The following DDC variants were observed in gnomAD, a reference collection of about 807,000 sequenced individuals.
DDC encodes aromatic-L-amino-acid decarboxylase.
In DDC, 43 loss-of-function variants were observed where a neutral mutation model predicts 60.0. The ratio of observed to expected loss-of-function variants is 0.72; its 90% CI spans 0.56 to 0.92. The LOEUF is 0.92. Ranked by LOEUF, DDC falls within the 40% of genes least tolerant of loss-of-function variation. The pLI, the probability that DDC is intolerant of heterozygous loss-of-function variation, is 0.00. For missense variants in DDC, 573 were observed against 620.2 expected (o/e 0.92, Z 0.81); for synonymous variants, 232 against 234.6 (o/e 0.99, Z 0.10).
intron 6 of DDC, among the ~76,000 whole-genome samples, chr7:50,525,103 A>C (rs185277201): frequency 6.6e-6 from 1 of 152,350 alleles, no homozygotes; most frequent in Non-Finnish European, 1.5e-5. Flanking sequence ...ATATTGTATA[A>C]TTCCATTTAT....
chr7:50,564,696 G>A (rs550931447), intron 1 of DDC, among the ~76,000 whole-genome samples: 11 of 152,300 alleles, frequency 7.2e-5, no homozygotes, highest in African/African-American at 2.6e-4. Flanking sequence ...GATGGGAATT[G>A]TACTCAGCAT....
chr7:50,508,522 A>C (rs186885330), intron 6 of DDC, among the ~76,000 whole-genome samples: 248 of 152,344 alleles, frequency 1.6e-3, no homozygotes, highest in Non-Finnish European at 2.4e-3. Flanking sequence ...CTGGCTCATT[A>C]GGGAAGCAAG....
At chr7:50,461,930 G>T (rs1224785985) in intron 14 of DDC, among the ~76,000 whole-genome samples, 1 of 152,174 alleles carries the variant, frequency 6.6e-6, no homozygotes, top group Non-Finnish European at 1.5e-5. Flanking sequence ...GACTCAGAAG[G>T]TAGCCCTTTG....
intron 9 of DDC, among the ~76,000 whole-genome samples, chr7:50,482,352 A>C (rs577504878): frequency 6.6e-6 from 1 of 152,182 alleles, no homozygotes; most frequent in African/African-American, 2.4e-5. Flanking sequence ...CTTGATAAAG[A>C]ATTTTTTGTT....
chr7:50,542,396 G>A (rs73123264), intron 2 of DDC: 15,489 of 152,118 alleles, frequency 0.1, 1,051 homozygotes, highest in South Asian at 0.14. Context: ...GGACAGAAGC[G>A]ATTCTTGATT....
intron 4 of DDC, among the ~76,000 whole-genome samples, chr7:50,530,743 T>C (rs928518380): frequency 6.6e-6 from 1 of 152,194 alleles, no homozygotes; most frequent in Non-Finnish European, 1.5e-5. Context: ...GAAACCCATC[T>C]ACCGACCAGT....
chr7:50,552,029 A>T (rs1241231551), intron 1 of DDC, among the ~76,000 whole-genome samples: 1 of 152,056 alleles, frequency 6.6e-6, no homozygotes, highest in East Asian at 1.9e-4. Flanking sequence ...GCTCTGGAAT[A>T]AAAAAACACA....
chr7:50,515,558 T>C (rs776505337), intron 6 of DDC, among the ~76,000 whole-genome samples: 9 of 152,100 alleles, frequency 5.9e-5, no homozygotes, highest in Non-Finnish European at 5.9e-5. Context: ...ACAAAGAGCA[T>C]GATGAATGCA....
chr7:50,462,768 G>GTTTTTTGT (rs2042307129), intron 14 of DDC, among the ~76,000 whole-genome samples: 1 of 98,364 alleles, frequency 1.0e-5, no homozygotes, highest in Non-Finnish European at 2.0e-5. Flanking sequence ...TCTTCTTCTT[G>GTTTTTTGT]TTTTTTTTTT....
At position 50,517,845 on chromosome 7, in the gene DDC, A is replaced by AAC. The variant is rs1554427507; in HGVS notation, c.714+10290_714+10291dup. Among the ~76,000 whole-genome samples the AAC allele has an allele frequency of 1.1e-3, 160 of 151,658 alleles. 1 individual carries two copies. In the Admixed American group the frequency reaches 0.011, roughly 10 times the overall value. ...ATAGCTAAAAAAAAAAAAAAAAAAA[A>AAC]ACCTTAGGAATATACCTAACCAAGG... On this transcript the variant is annotated intron_variant, in intron 6 of 14. Transcript: ENST00000444124.
intron 1 of DDC, among the ~76,000 whole-genome samples, chr7:50,547,415 C>T (rs910005448): frequency 3.3e-5 from 5 of 152,000 alleles, no homozygotes; most frequent in Non-Finnish European, 7.4e-5. Flanking sequence ...CAGGATTTCG[C>T]CATGTTGGTC....
chr7:50,545,049 G>C (rs934143003), intron 1 of DDC, among the ~76,000 whole-genome samples: 2 of 152,038 alleles, frequency 1.3e-5, no homozygotes, highest in Non-Finnish European at 2.9e-5. Context: ...ACCACATTTG[G>C]GGGTCATTTT....
intron 3 of DDC, among the ~76,000 whole-genome samples, chr7:50,538,184 A>G (rs922968587): frequency 6.6e-6 from 1 of 151,902 alleles, no homozygotes; most frequent in African/African-American, 2.4e-5. Context: ...ACCATAATGA[A>G]CCTTACTCCA....
chr7:50,557,654 T>A (rs1446348443), intron 1 of DDC, among the ~76,000 whole-genome samples: 2 of 152,186 alleles, frequency 1.3e-5, no homozygotes, highest in African/African-American at 2.4e-5. Flanking sequence ...ACACCATCCA[T>A]CCCCACTTTG....
chr7:50,553,146 G>C (rs893927943), intron 1 of DDC, among the ~76,000 whole-genome samples: 1 of 152,192 alleles, frequency 6.6e-6, no homozygotes, highest in Non-Finnish European at 1.5e-5. Flanking sequence ...CCCGGAGTGG[G>C]GATGGCAACC....
intron 4 of DDC, among the ~76,000 whole-genome samples, chr7:50,531,577 TG>T (rs10718396): frequency 0.14 from 21,147 of 151,498 alleles, 1,702 homozygotes; most frequent in African/African-American, 0.16. Context: ...GGCTTTTCTC[TG>T]GGGGGGGATG....
chr7:50,513,494 G>A (rs1019222270), intron 6 of DDC, among the ~76,000 whole-genome samples: 1 of 152,144 alleles, frequency 6.6e-6, no homozygotes, highest in Admixed American at 6.5e-5. Context: ...ACTCGGGGAC[G>A]GTGCAAATCC....
intron 6 of DDC, among the ~76,000 whole-genome samples, chr7:50,521,823 A>G (rs2043898977): frequency 1.3e-5 from 2 of 152,154 alleles, no homozygotes; most frequent in South Asian, 4.1e-4. Context: ...TACTCTTAAC[A>G]TCATACTTGA....
chr7:50,526,066 G>A (rs2044029862), intron 6 of DDC, among the ~76,000 whole-genome samples: 1 of 152,086 alleles, frequency 6.6e-6, no homozygotes, highest in African/African-American at 2.4e-5. Flanking sequence ...ACCGAGGAGA[G>A]ACACCAAATT....
Sources: gnomAD v4.1 joint callset for allele counts (sites outside exome capture counted in the v4.1 genomes callset) on GRCh38, gnomAD v4.1.1 for gene constraint, MANE v1.5 for transcripts, NCBI Gene and HGNC (gene_info 2026-07-23, HGNC 2026-07-21) for gene names.